The following MAP4K3 variants were observed in gnomAD, a reference collection of about 807,000 sequenced individuals.
MAP4K3 encodes the protein MAPK/ERK kinase kinase kinase 3.
MAP4K3 carries 94 observed loss-of-function variants against 143.5 expected under a neutral mutation model. The ratio of observed to expected loss-of-function variants is 0.65; its 90% CI spans 0.55 to 0.78. The LOEUF (loss-of-function observed/expected upper bound fraction) is 0.78, where lower values mean the gene tolerates loss of function less well. MAP4K3 is among the 30% of genes least tolerant of loss of function. MAP4K3 has a pLI of 0.00. For missense variants in MAP4K3, 1,077 were observed against 1,068.1 expected, an observed-to-expected ratio of 1.01 and a Z score of -0.12; for synonymous variants, 416 against 347.2, an observed-to-expected ratio of 1.20 and a Z score of -2.20.
chr2:39,322,831 G>A (rs1425525102), intron 12 of MAP4K3, among the ~76,000 whole-genome samples: 4 of 151,654 alleles, frequency 2.6e-5, no homozygotes, highest in Non-Finnish European at 5.9e-5. Flanking sequence ...CACCATGCCC[G>A]GCTAATTTTT....
chr2:39,412,559 A>C (rs1057320714), intron 1 of MAP4K3, among the ~76,000 whole-genome samples: 23 of 152,330 alleles, frequency 1.5e-4, no homozygotes, highest in Non-Finnish European at 2.6e-4. Context: ...TATTAAAATA[A>C]AAACAAACAA....
intron 24 of MAP4K3, among the ~76,000 whole-genome samples, chr2:39,277,722 G>T (rs900935330): frequency 2.2e-4 from 33 of 151,918 alleles, no homozygotes; most frequent in Non-Finnish European, 4.7e-4. Context: ...AGGCCACCAT[G>T]CCCAGCTAAT....
chr2:39,355,978 C>A (rs113793605), intron 3 of MAP4K3, among the ~76,000 whole-genome samples: 5 of 152,312 alleles, frequency 3.3e-5, no homozygotes, highest in African/African-American at 4.8e-5. Context: ...ATATTTAGAT[C>A]GCTAGTCCAC....
chr2:39,370,466 G>A (rs919790432), intron 2 of MAP4K3, among the ~76,000 whole-genome samples: 8 of 152,264 alleles, frequency 5.3e-5, no homozygotes, highest in African/African-American at 1.7e-4. Context: ...AGATAAGGAG[G>A]CAGAAAGCAC....
chr2:39,326,230 T>A lies in MAP4K3; in HGVS notation c.578A>T (p.Gln193Leu). The A allele has an allele frequency of 1.2e-6, 2 of 1,614,014 alleles. No individual in the cohort carries two copies. Among genetic ancestry groups the A allele is most frequent in the Non-Finnish European group, 1.7e-6 (2 of 1,179,938 alleles). ...TCCCACTGCCCAGAGATCACAGAGTTGATTGTAACCCCCCTTCCTCTCAAC... is the reference window on the plus strand; with the variant it reads ...TCCCACTGCCCAGAGATCACAGAGTAGATTGTAACCCCCCTTCCTCTCAAC... ...AAVERKGGYN[Q>L]LCDLWAVGIT... is the part of the protein sequence containing the mutation. Residue 193 changes from glutamine (Q) to leucine (L), a missense_variant, in exon 9 of 34, where the codon CAA becomes CTA. This residue lies in a region of MAP4K3 where 213 missense variants were observed against 266.8 expected (regional missense o/e 0.80). Coordinates refer to ENST00000263881, the MANE Select transcript of MAP4K3 (RefSeq NM_003618.4).
chr2:39,295,677 C>T (rs1682244584), intron 16 of MAP4K3, among the ~76,000 whole-genome samples: 1 of 149,904 alleles, frequency 6.7e-6, no homozygotes, highest in South Asian at 2.1e-4. Flanking sequence ...TTAAAATGTA[C>T]CATATTTAAT....
chr2:39,299,637 A>G, intron 16 of MAP4K3, 106 bp downstream of exon 16: 1 of 511,252 alleles, frequency 2.0e-6, no homozygotes, highest in Non-Finnish European at 3.3e-6. Context: ...TGTAAAATAT[A>G]TCTACCAGCC....
Position 39,333,548 on chromosome 2 carries a change from A to T in MAP4K3, c.441T>A (p.Asn147Lys), listed in dbSNP as rs1369411771. 1 of 1,606,724 alleles carries T rather than the reference A, an allele frequency of 6.2e-7. No individual in the cohort carries two copies. The highest frequency in any genetic ancestry group is 1.7e-5 in the Admixed American group (1 of 59,844). The change falls in exon 7 of 34, where the codon AAT becomes AAA. Residue 147 changes from asparagine (N) to lysine (K), a missense_variant. Asn to Lys is a moderately conservative substitution (Grantham distance 94). Coordinates refer to ENST00000263881, the MANE Select transcript of MAP4K3 (RefSeq NM_003618.4). Reference protein sequence around the residue: ...IKGANILLTDNGHVKLADFGV... With the variant: ...IKGANILLTDKGHVKLADFGV... ...TTTACTTACCCAATTTCACATGACCATTATCCGTTAATAGAATGTTAGCTC... is the reference window on the plus strand; with the variant it reads ...TTTACTTACCCAATTTCACATGACCTTTATCCGTTAATAGAATGTTAGCTC...
At chr2:39,327,553 G>A (rs949603182) in intron 8 of MAP4K3, among the ~76,000 whole-genome samples, 1 of 152,066 alleles carries the variant, frequency 6.6e-6, no homozygotes, top group Non-Finnish European at 1.5e-5. Flanking sequence ...CCATACTAAA[G>A]AGCAGTCTAG....
At chr2:39,271,558 G>A (rs149739450) in intron 26 of MAP4K3, among the ~76,000 whole-genome samples, 1 of 152,214 alleles carries the variant, frequency 6.6e-6, no homozygotes, top group Non-Finnish European at 1.5e-5. Context: ...ACTGAAACTA[G>A]AAAGGCAAAA....
chr2:39,325,803 CTATT>C lies in MAP4K3; in HGVS notation c.730_733del (p.Asn244ValfsTer6). The C allele has an allele frequency of 1.9e-6, 3 of 1,603,646 alleles. No homozygotes were observed. The highest frequency in any genetic ancestry group is 2.6e-6 in the Non-Finnish European group (3 of 1,176,214). On this transcript the variant is annotated frameshift_variant, in exon 11 of 34. Coordinates refer to ENST00000263881, the MANE Select transcript of MAP4K3 (RefSeq NM_003618.4). LOFTEE classifies it high-confidence loss of function. The stretch of plus-strand genomic sequence containing the variant: ...TGCCATTTTCACAAAGTGATGAAAA[CTATT>C]TGACCTAAGAAATTTAGAAAATTAG...
chr2:39,314,841 G>A (rs1323202923), intron 13 of MAP4K3, among the ~76,000 whole-genome samples: 1 of 152,162 alleles, frequency 6.6e-6, no homozygotes, highest in African/African-American at 2.4e-5. Flanking sequence ...AGTGGTGCCT[G>A]AGAATCCCTT....
chr2:39,368,163 C>T (rs1217440498), intron 2 of MAP4K3, among the ~76,000 whole-genome samples: 2 of 152,092 alleles, frequency 1.3e-5, no homozygotes, highest in Non-Finnish European at 1.5e-5. Context: ...GAGTATATCG[C>T]GCCCCCTGCC....
At chr2:39,306,167 T>C (rs1334180403) in intron 15 of MAP4K3, among the ~76,000 whole-genome samples, 1 of 152,328 alleles carries the variant, frequency 6.6e-6, no homozygotes, top group Middle Eastern at 3.4e-3. Flanking sequence ...TCCAGTTTTG[T>C]TGTTATCTTT....
chr2:39,431,631 G>A (rs1388433047), intron 1 of MAP4K3, among the ~76,000 whole-genome samples: 1 of 152,078 alleles, frequency 6.6e-6, no homozygotes, highest in Non-Finnish European at 1.5e-5. Context: ...GGTGGGGAGG[G>A]GTGGATTTTA....
rs376701370 is a variant in MAP4K3 at position 39,312,466 on chromosome 2, T to C, written c.997+2844A>G. ...GTGAGATTTCAAAGCATAATCACTT[T>C]TCTAACGGTTTGATTTCAACTTTGT... On this transcript the variant is annotated intron_variant, in intron 13 of 33. Transcript: ENST00000263881. 6.6e-5 allele frequency among the ~76,000 whole-genome samples: 10 copies of C among 152,370 alleles called. No homozygotes were observed. The East Asian group carries it at 1.7e-3, about 26-fold the overall frequency.
At position 39,325,074 on chromosome 2, in the gene MAP4K3, C is replaced by T. The variant is rs1340269285; in HGVS notation, c.918+444G>A. 2.6e-5 allele frequency among the ~76,000 whole-genome samples: 4 copies of T among 152,058 alleles called. No individual in the cohort carries two copies. The East Asian group carries it at 7.7e-4, about 29-fold the overall frequency. Reference sequence around the variant, plus strand: ...TCAAGTAATCCTCTTGCTTCAGCCTCCCAAAGTGATGGGATTACAGACATG... The same window carrying T: ...TCAAGTAATCCTCTTGCTTCAGCCTTCCAAAGTGATGGGATTACAGACATG... On this transcript the variant is annotated intron_variant, in intron 12 of 33. Coordinates refer to ENST00000263881, the MANE Select transcript of MAP4K3 (RefSeq NM_003618.4).
At chr2:39,377,897 T>C (rs779317313) in intron 2 of MAP4K3, among the ~76,000 whole-genome samples, 169 bp downstream of exon 2, 16 of 152,128 alleles carry the variant, frequency 1.1e-4, no homozygotes, top group Non-Finnish European at 2.2e-4. Flanking sequence ...CTGAGCAAGG[T>C]GTGTTGTATG....
chr2:39,402,167 A>G (rs939916896), intron 1 of MAP4K3, among the ~76,000 whole-genome samples: 1 of 152,192 alleles, frequency 6.6e-6, no homozygotes, highest in African/African-American at 2.4e-5. Context: ...ATTAAACTAC[A>G]ATGGATAGAA....
Sources: allele counts gnomAD v4.1 joint callset (sites outside exome capture counted in the v4.1 genomes callset), GRCh38; gene constraint gnomAD v4.1.1; regional missense constraint gnomAD v4.1.1; transcripts MANE v1.5; gene names NCBI Gene and HGNC (gene_info 2026-07-23, HGNC 2026-07-21).